The following MEOX2 variants were observed in gnomAD, a reference collection of about 807,000 sequenced individuals.
MEOX2 encodes mesenchyme homeobox 2, also known as homeobox protein MOX-2.
Under a neutral mutation model 27.0 loss-of-function variants are expected in MEOX2, and 11 were observed. The ratio of observed to expected loss-of-function variants is 0.41; its 90% CI spans 0.26 to 0.68. MEOX2 has a LOEUF of 0.68. Among genes scored for constraint, MEOX2 ranks in the 30% least tolerant of loss-of-function variants. The pLI, the probability that MEOX2 is intolerant of heterozygous loss-of-function variation, is 0.33. For synonymous variants in MEOX2, 189 were observed against 155.4 expected, an observed-to-expected ratio of 1.22 and a Z score of -1.61; for missense variants, 436 against 385.4, an observed-to-expected ratio of 1.13 and a Z score of -1.10.
chr7:15,612,977 GTTC>G (rs1172359265), intron 2 of MEOX2, among the ~76,000 whole-genome samples: 4 of 152,120 alleles, frequency 2.6e-5, no homozygotes, highest in African/African-American at 7.2e-5. Flanking sequence ...CCACTCCTAA[GTTC>G]TTCTTTGATT....
At chr7:15,613,687 T>A (rs1370600328) in intron 2 of MEOX2, among the ~76,000 whole-genome samples, 4 of 152,132 alleles carry the variant, frequency 2.6e-5, no homozygotes, top group Non-Finnish European at 4.4e-5. Flanking sequence ...TTTATTTGTT[T>A]GTTAGGTTTA....
At chr7:15,652,762 A>G (rs924855735) in intron 1 of MEOX2, among the ~76,000 whole-genome samples, 8 of 152,084 alleles carry the variant, frequency 5.3e-5, no homozygotes, top group Admixed American at 3.3e-4. Flanking sequence ...TTCACTCACC[A>G]TAATTCTTTA....
intron 1 of MEOX2, among the ~76,000 whole-genome samples, chr7:15,672,630 C>A (rs1312230777): frequency 2.0e-5 from 3 of 152,128 alleles, no homozygotes; most frequent in Non-Finnish European, 4.4e-5. Context: ...CGGTGGCTCA[C>A]ACCCATAATC....
intron 1 of MEOX2, among the ~76,000 whole-genome samples, chr7:15,639,826 C>T (rs1431805423): frequency 1.3e-5 from 2 of 152,034 alleles, no homozygotes; most frequent in Non-Finnish European, 2.9e-5. Flanking sequence ...ATCTATGTGT[C>T]TATTGTACCA....
At chr7:15,632,269 T>C (rs1781416484) in intron 1 of MEOX2, among the ~76,000 whole-genome samples, 1 of 151,838 alleles carries the variant, frequency 6.6e-6, no homozygotes, top group Non-Finnish European at 1.5e-5. Context: ...AATAGGTGCA[T>C]AGTACATAAC....
chr7:15,654,276 C>A (rs953683129), intron 1 of MEOX2, among the ~76,000 whole-genome samples: 1 of 151,852 alleles, frequency 6.6e-6, no homozygotes, highest in Non-Finnish European at 1.5e-5. Flanking sequence ...TTTCTGTACT[C>A]ACATATAAGT....
chr7:15,626,312 A>G (rs772510415), intron 2 of MEOX2, among the ~76,000 whole-genome samples: 5 of 152,108 alleles, frequency 3.3e-5, no homozygotes, highest in African/African-American at 4.8e-5. Flanking sequence ...TTTTTATGTT[A>G]TGCCATTGAG....
rs926983635 is a variant in MEOX2 at position 15,612,058 on chromosome 7, A to C, written c.*329T>G. ...TCTTCACTCTGGAGACATCTTGAATAAAAAACCGTTCATAGTTTGCTCTTG... is the reference window on the plus strand; with the variant it reads ...TCTTCACTCTGGAGACATCTTGAATCAAAAACCGTTCATAGTTTGCTCTTG... On this transcript the variant is annotated 3_prime_UTR_variant, in exon 3 of 3. Coordinates refer to ENST00000262041, the MANE Select transcript of MEOX2 (RefSeq NM_005924.5). 7.9e-5 allele frequency: 24 copies of C among 305,676 alleles called. No homozygotes were observed. The highest frequency in any genetic ancestry group is 5.0e-4 in the African/African-American group (24 of 47,556). 18.9% of individuals were successfully genotyped at this position (305,676 alleles called of 1,614,324 possible). A position where few individuals can be genotyped will look rare whatever the true frequency, so the allele number is the denominator to read the frequency against.
At chr7:15,647,388 T>C (rs947146618) in intron 1 of MEOX2, among the ~76,000 whole-genome samples, 2 of 152,088 alleles carry the variant, frequency 1.3e-5, no homozygotes, top group African/African-American at 4.8e-5. Flanking sequence ...TTTCCAGACA[T>C]ATGGCTGCAA....
intron 2 of MEOX2, among the ~76,000 whole-genome samples, chr7:15,625,946 T>C (rs1241251509): frequency 6.6e-6 from 1 of 152,162 alleles, no homozygotes; most frequent in East Asian, 1.9e-4. Context: ...TCTGAGTGGG[T>C]AGCAGAATTT....
chr7:15,633,061 C>G (rs1781426217), intron 1 of MEOX2, among the ~76,000 whole-genome samples: 1 of 152,014 alleles, frequency 6.6e-6, no homozygotes. Context: ...CAGCTCCCTT[C>G]AAACTCCTTT....
At chr7:15,654,768 T>A (rs1781792826) in intron 1 of MEOX2, among the ~76,000 whole-genome samples, 1 of 151,794 alleles carries the variant, frequency 6.6e-6, no homozygotes, top group African/African-American at 2.4e-5. Context: ...TAATTATTTT[T>A]ATATACTACT....
intron 1 of MEOX2, among the ~76,000 whole-genome samples, chr7:15,631,650 T>C (rs1403933372): frequency 2.0e-5 from 3 of 151,866 alleles, no homozygotes; most frequent in Admixed American, 1.3e-4. Context: ...ATGAAAATTT[T>C]ATTCACATGA....
intron 1 of MEOX2, among the ~76,000 whole-genome samples, chr7:15,633,550 G>A (rs941744722): frequency 2.0e-5 from 3 of 151,868 alleles, no homozygotes; most frequent in Admixed American, 6.6e-5. Flanking sequence ...TGCCGGTAGT[G>A]CAGTAAAACC....
intron 1 of MEOX2, among the ~76,000 whole-genome samples, chr7:15,669,564 G>A (rs918722058): frequency 1.3e-5 from 2 of 152,154 alleles, no homozygotes; most frequent in African/African-American, 4.8e-5. Context: ...ATTCACTGGT[G>A]AATAGTCCTC....
intron 1 of MEOX2, among the ~76,000 whole-genome samples, chr7:15,683,110 T>C (rs1045019395): frequency 6.6e-5 from 10 of 152,170 alleles, no homozygotes; most frequent in Admixed American, 3.3e-4. Context: ...TTACGTATTA[T>C]AGTTTTAAAT....
chr7:15,672,378 T>C (rs915300690), intron 1 of MEOX2, among the ~76,000 whole-genome samples: 1 of 152,214 alleles, frequency 6.6e-6, no homozygotes, highest in Non-Finnish European at 1.5e-5. Context: ...GAATCTTATG[T>C]CTTACTTAAA....
chr7:15,686,492 A>ACTTT lies in MEOX2; in HGVS notation c.-91_-90insAAAG. Reference sequence around the variant, plus strand: ...TCACTTTTTCACTGGAAACCGTGTGATTTTTTTTTTAACCTCCCAAAGCAA... The same window carrying ACTTT: ...TCACTTTTTCACTGGAAACCGTGTGACTTTTTTTTTTTTTAACCTCCCAAAGCAA... On this transcript the variant is annotated 5_prime_UTR_variant, in exon 1 of 3. Coordinates refer to ENST00000262041, the MANE Select transcript of MEOX2 (RefSeq NM_005924.5). The ACTTT allele has an allele frequency of 9.7e-7, 1 of 1,030,594 alleles. No homozygotes were observed. The highest frequency in any genetic ancestry group is 1.4e-6 in the Non-Finnish European group (1 of 726,952). 63.8% of individuals were successfully genotyped at this position (1,030,594 alleles called of 1,614,324 possible).
intron 1 of MEOX2, among the ~76,000 whole-genome samples, chr7:15,647,823 G>C (rs1218833339): frequency 1.3e-5 from 2 of 151,958 alleles, no homozygotes; most frequent in African/African-American, 2.4e-5. Flanking sequence ...CTTAAAAAAT[G>C]ATCACTGTTT....
Sources: gnomAD v4.1 joint callset for allele counts (sites outside exome capture counted in the v4.1 genomes callset) on GRCh38, gnomAD v4.1.1 for gene constraint, MANE v1.5 for transcripts, NCBI Gene and HGNC (gene_info 2026-07-23, HGNC 2026-07-21) for gene names.